Variants in FAAH2 observed in about 807,000 individuals in gnomAD.
FAAH2 encodes fatty-acid amide hydrolase 2.
FAAH2 carries 60 observed loss-of-function variants against 36.9 expected under a neutral mutation model. The observed-to-expected ratio is 1.63, with a 90% CI of 1.32 to 2.02. The LOEUF is 2.02. FAAH2 is among the 30% of genes most tolerant of loss of function. FAAH2 has a pLI of 0.00. For synonymous variants in FAAH2, 214 were observed against 143.8 expected, an observed-to-expected ratio of 1.49 and a Z score of -3.49; for missense variants, 689 against 397.5, an observed-to-expected ratio of 1.73 and a Z score of -6.23.
chrX:57,354,389 G>A (rs1246217056), intron 5 of FAAH2, among the ~76,000 whole-genome samples: 1 of 110,543 alleles, frequency 9.0e-6, no homozygotes, highest in Non-Finnish European at 1.9e-5. Context: ...TTTTTACATG[G>A]ATGCAGAGAG....
chrX:57,314,748 G>A (rs1387950866), intron 3 of FAAH2, among the ~76,000 whole-genome samples: 2 of 110,957 alleles, frequency 1.8e-5, no homozygotes, highest in East Asian at 5.6e-4. Context: ...TGAAAATAGT[G>A]ACACATCTTA....
intron 1 of FAAH2, among the ~76,000 whole-genome samples, chrX:57,288,030 G>A (rs1398433595): frequency 9.0e-6 from 1 of 111,410 alleles, no homozygotes; most frequent in African/African-American, 3.3e-5. Flanking sequence ...GCAATGGGAT[G>A]TATTCGGTTG....
intron 4 of FAAH2, among the ~76,000 whole-genome samples, chrX:57,336,124 C>G (rs1052036248): frequency 2.7e-5 from 3 of 111,178 alleles, no homozygotes; most frequent in African/African-American, 9.8e-5. Context: ...CCTACCTTAA[C>G]TAATGACATT....
chrX:57,432,969 T>TA (rs1180507253), intron 8 of FAAH2, among the ~76,000 whole-genome samples: 1,291 of 99,344 alleles, frequency 0.013, 14 homozygotes, highest in African/African-American at 0.038. Flanking sequence ...CTCTCTACCT[T>TA]AAAAAAAAAA....
intron 2 of FAAH2, among the ~76,000 whole-genome samples, chrX:57,299,810 T>C (rs1017759973): frequency 9.0e-6 from 1 of 111,374 alleles, no homozygotes; most frequent in African/African-American, 3.3e-5. Context: ...TATACACCAA[T>C]AACAGACAAA....
At chrX:57,358,107 T>C (rs1299681432) in intron 5 of FAAH2, among the ~76,000 whole-genome samples, 1 of 111,303 alleles carries the variant, frequency 9.0e-6, no homozygotes, top group Non-Finnish European at 1.9e-5. Context: ...ATAGTGTTCT[T>C]CTTTGCCTAG....
chrX:57,433,017 C>T (rs1404755432), intron 8 of FAAH2, among the ~76,000 whole-genome samples: 1 of 108,405 alleles, frequency 9.2e-6, no homozygotes, highest in Admixed American at 9.8e-5. Flanking sequence ...ACCCAGTTTT[C>T]TTTGCAGAAA....
At chrX:57,228,203 G>T in the FAAH2 span, among the ~76,000 whole-genome samples, 1 of 112,044 alleles carries the variant, frequency 8.9e-6, no homozygotes, top group African/African-American at 3.2e-5. Flanking sequence ...AGCTAGAGAA[G>T]TTCTTCTCAT....
At chrX:57,192,958 C>A in the FAAH2 span, among the ~76,000 whole-genome samples, 3 of 111,791 alleles carry the variant, frequency 2.7e-5, no homozygotes, top group East Asian at 8.5e-4. Context: ...GTGTTAACTG[C>A]ACAAATTGTA....
the FAAH2 span, among the ~76,000 whole-genome samples, chrX:57,207,364 T>A: frequency 4.5e-5 from 5 of 111,837 alleles, no homozygotes; most frequent in African/African-American, 1.3e-4. Flanking sequence ...CTATGTTGAA[T>A]TGAATGGGTT....
intron 7 of FAAH2, among the ~76,000 whole-genome samples, chrX:57,396,546 T>C (rs186423228): frequency 9.5e-4 from 105 of 111,060 alleles, no homozygotes; most frequent in African/African-American, 3.2e-3. Context: ...CATTTTTGTG[T>C]TTCAAAAATA....
intron 10 of FAAH2, among the ~76,000 whole-genome samples, chrX:57,484,125 G>A (rs143506146): frequency 5.7e-4 from 63 of 110,827 alleles, no homozygotes; most frequent in African/African-American, 1.7e-3. Flanking sequence ...TTTTTATTGC[G>A]CTTTTCACTT....
intron 8 of FAAH2, among the ~76,000 whole-genome samples, chrX:57,435,999 T>C (rs2056402966): frequency 9.0e-6 from 1 of 111,058 alleles, no homozygotes; most frequent in Non-Finnish European, 1.9e-5. Context: ...TTTTTTAACA[T>C]TAAAAACATA....
intron 7 of FAAH2, among the ~76,000 whole-genome samples, chrX:57,387,795 A>T (rs1432024212): frequency 9.0e-6 from 1 of 111,393 alleles, no homozygotes; most frequent in Non-Finnish European, 1.9e-5. Flanking sequence ...CATTGCATAA[A>T]TTAATTTATG....
chrX:57,239,390 C>T, the FAAH2 span, among the ~76,000 whole-genome samples: 1 of 111,146 alleles, frequency 9.0e-6, no homozygotes, highest in African/African-American at 3.3e-5. Context: ...TCTCTTCTGA[C>T]TTGTACAGAT....
At chrX:57,390,294 T>C (rs112642603) in intron 7 of FAAH2, among the ~76,000 whole-genome samples, 1,653 of 111,914 alleles carry the variant, frequency 0.015, 12 homozygotes, top group Non-Finnish European at 0.023. Flanking sequence ...CTCTCTATTT[T>C]CCTCTAGGAA....
intron 2 of FAAH2, among the ~76,000 whole-genome samples, chrX:57,296,457 AC>A: frequency 1.8e-5 from 2 of 111,601 alleles, no homozygotes; most frequent in East Asian, 5.6e-4. Flanking sequence ...TCTGTACGTC[AC>A]CATCATCAAA....
chrX:57,219,892 A>G, the FAAH2 span, among the ~76,000 whole-genome samples: 11 of 76,254 alleles, frequency 1.4e-4, no homozygotes, highest in Admixed American at 8.4e-4. Context: ...TTTTTTTGCA[A>G]TTCAGTCTGG....
intron 1 of FAAH2, 52 bp from the exon 2 acceptor site, chrX:57,292,442 TTGAA>T: frequency 9.7e-7 from 1 of 1,032,657 alleles, no homozygotes; most frequent in Non-Finnish European, 1.3e-6. Flanking sequence ...GAAATACTTG[TTGAA>T]TGAATTGTTT....
Sources: allele counts gnomAD v4.1 joint callset (sites outside exome capture counted in the v4.1 genomes callset), GRCh38; gene constraint gnomAD v4.1.1; transcripts MANE v1.5; gene names NCBI Gene and HGNC (gene_info 2026-07-23, HGNC 2026-07-21).